The following CTNND2 variants were observed in gnomAD, a reference collection of about 807,000 sequenced individuals.
CTNND2 encodes catenin delta 2, also known as catenin delta-2.
In CTNND2, 22 loss-of-function variants were observed where a neutral mutation model predicts 144.4. That is an observed-to-expected ratio of 0.15 (90% CI 0.11 to 0.22). CTNND2 has a LOEUF of 0.22. Among genes scored for constraint, CTNND2 ranks in the 10% least tolerant of loss-of-function variants. The pLI, the probability that CTNND2 is intolerant of heterozygous loss-of-function variation, is 1.00. For synonymous variants in CTNND2, 751 were observed against 695.6 expected (o/e 1.08, Z -1.25); for missense variants, 1,353 against 1,618.8 (o/e 0.84, Z 2.82).
chr5:11,713,583 CAAAA>C (rs1165519277), intron 2 of CTNND2, among the ~76,000 whole-genome samples: 795 of 57,852 alleles, frequency 0.014, 8 homozygotes, highest in African/African-American at 0.042. Flanking sequence ...GACTCCATCT[CAAAA>C]AAAAAAAAAA....
At chr5:11,665,130 C>T (rs1251885994) in intron 2 of CTNND2, among the ~76,000 whole-genome samples, 2 of 152,134 alleles carry the variant, frequency 1.3e-5, no homozygotes, top group Non-Finnish European at 2.9e-5. Context: ...CTTGAGTTTA[C>T]AGATAACTGG....
chr5:11,308,428 A>T (rs2150045478), intron 9 of CTNND2, among the ~76,000 whole-genome samples: 1 of 151,686 alleles, frequency 6.6e-6, no homozygotes, highest in Non-Finnish European at 1.5e-5. Flanking sequence ...AACAAATAGC[A>T]TGGCAATAAA....
intron 10 of CTNND2, among the ~76,000 whole-genome samples, chr5:11,223,621 T>C (rs1342819729): frequency 1.3e-5 from 2 of 152,154 alleles, no homozygotes; most frequent in African/African-American, 4.8e-5. Flanking sequence ...GGGGGAGCCA[T>C]ATCTACTGAA....
At chr5:11,027,479 T>C (rs572099774) in intron 16 of CTNND2, among the ~76,000 whole-genome samples, 1 of 152,158 alleles carries the variant, frequency 6.6e-6, no homozygotes, top group Non-Finnish European at 1.5e-5. Context: ...AATGACTATA[T>C]GTCTGATTTT....
chr5:10,973,481 T>C lies in CTNND2; in HGVS notation c.3650A>G (p.Tyr1217Cys), dbSNP rs1736043926. Residue 1217 changes from tyrosine to cysteine, a missense_variant, in exon 22 of 22, where the codon TAC becomes TGC. This residue lies in a region of CTNND2 where 459 missense variants were observed against 674.3 expected (regional missense o/e 0.68). Coordinates refer to ENST00000304623, the MANE Select transcript of CTNND2 (RefSeq NM_001332.4). The surrounding 1 kb of genome is among the most constrained non-coding windows in gnomAD (Gnocchi z 5.6). Reference sequence around the variant, plus strand: ...CACCCAGGAGTCGGGGGAGGCCGGGTAGTGGCTCGTTTCATAGTTCAGTTC... The same window carrying C: ...CACCCAGGAGTCGGGGGAGGCCGGGCAGTGGCTCGTTTCATAGTTCAGTTC... ...YSELNYETSH[Y>C]PASPDSWV 5 of 1,597,978 alleles carry C rather than the reference T, an allele frequency of 3.1e-6. No individual in the cohort carries two copies. Among genetic ancestry groups the C allele is most frequent in the Non-Finnish European group, 4.3e-6 (5 of 1,170,400 alleles).
chr5:11,852,860 T>C (rs997287898), intron 1 of CTNND2, among the ~76,000 whole-genome samples: 1 of 152,210 alleles, frequency 6.6e-6, no homozygotes, highest in Admixed American at 6.5e-5. Flanking sequence ...AATTTGATAA[T>C]GGGTTTGCCC....
chr5:11,186,241 T>G (rs1158294582), intron 11 of CTNND2, among the ~76,000 whole-genome samples: 1 of 152,206 alleles, frequency 6.6e-6, no homozygotes, highest in Non-Finnish European at 1.5e-5. Context: ...TGGATCATGC[T>G]CACAAAACAC....
chr5:11,807,239 C>T (rs971466733), intron 1 of CTNND2, among the ~76,000 whole-genome samples: 1 of 152,038 alleles, frequency 6.6e-6, no homozygotes, highest in Non-Finnish European at 1.5e-5. Flanking sequence ...TTGTGTTTTT[C>T]CCCTTGGTTA....
At chr5:11,833,799 C>T (rs1241379196) in intron 1 of CTNND2, among the ~76,000 whole-genome samples, 1 of 152,180 alleles carries the variant, frequency 6.6e-6, no homozygotes, top group Non-Finnish European at 1.5e-5. Flanking sequence ...CCTGGGATTA[C>T]AGGCGTGAGC....
chr5:11,793,282 A>G (rs1459750076), intron 1 of CTNND2, among the ~76,000 whole-genome samples: 1 of 152,124 alleles, frequency 6.6e-6, no homozygotes, highest in African/African-American at 2.4e-5. Context: ...AGGAAATGGC[A>G]ATTCTGTTCC....
chr5:11,513,467 G>A (rs1038234390), intron 3 of CTNND2, among the ~76,000 whole-genome samples: 12 of 152,126 alleles, frequency 7.9e-5, no homozygotes, highest in Non-Finnish European at 1.6e-4. Context: ...GAAAGGATTA[G>A]CATTTACTTC....
chr5:11,391,070 G>A (rs1029869440), intron 6 of CTNND2, among the ~76,000 whole-genome samples: 1 of 151,962 alleles, frequency 6.6e-6, no homozygotes, highest in African/African-American at 2.4e-5. Flanking sequence ...TGAGGAAGAT[G>A]TCTCAATGCA....
intron 2 of CTNND2, among the ~76,000 whole-genome samples, chr5:11,587,323 T>C (rs1326777889): frequency 6.6e-6 from 1 of 152,096 alleles, no homozygotes; most frequent in Non-Finnish European, 1.5e-5. Flanking sequence ...ATTTCCTAGC[T>C]TTAAGACAAT....
At chr5:11,872,960 C>A (rs546167552) in intron 1 of CTNND2, among the ~76,000 whole-genome samples, 4 of 152,194 alleles carry the variant, frequency 2.6e-5, no homozygotes, top group African/African-American at 4.8e-5. Flanking sequence ...ATGACTAAAA[C>A]ACCAAAAGCA....
chr5:11,033,202 G>A (rs1371233491), intron 16 of CTNND2, among the ~76,000 whole-genome samples: 1 of 152,170 alleles, frequency 6.6e-6, no homozygotes, highest in Non-Finnish European at 1.5e-5. Context: ...ATCTTAAAAT[G>A]TATCCCCTGG....
At chr5:11,803,514 C>A (rs536348286) in intron 1 of CTNND2, among the ~76,000 whole-genome samples, 1 of 152,128 alleles carries the variant, frequency 6.6e-6, no homozygotes, top group Non-Finnish European at 1.5e-5. Context: ...AATGATATTT[C>A]GGAGGTAGAC....
At position 11,847,302 on chromosome 5, in the gene CTNND2, C is replaced by T. The variant is rs528866038; in HGVS notation, c.37+56515G>A. 6.7e-4 allele frequency among the ~76,000 whole-genome samples: 102 copies of T among 151,272 alleles called. 3 individuals are homozygous for T. The South Asian group carries it at 0.021, about 30-fold the overall frequency. On this transcript the variant is annotated intron_variant, in intron 1 of 21. Transcript: ENST00000304623. The stretch of plus-strand genomic sequence containing the variant: ...CATATACACATAATGGAATACTATT[C>T]GGCCATAAAACTGAATGAAATCCTG...
At chr5:11,233,293 T>C (rs1191741668) in intron 10 of CTNND2, among the ~76,000 whole-genome samples, 1 of 152,098 alleles carries the variant, frequency 6.6e-6, no homozygotes, top group Non-Finnish European at 1.5e-5. Flanking sequence ...TGGTATCATT[T>C]TGAAAAAAAA....
At chr5:11,659,098 T>G (rs1340161461) in intron 2 of CTNND2, among the ~76,000 whole-genome samples, 3 of 152,078 alleles carry the variant, frequency 2.0e-5, no homozygotes, top group East Asian at 3.9e-4. Flanking sequence ...ATCCACAGAT[T>G]CAACCAACGG....
Sources: allele counts gnomAD v4.1 joint callset (sites outside exome capture counted in the v4.1 genomes callset), GRCh38; gene constraint gnomAD v4.1.1; regional missense constraint gnomAD v4.1.1; non-coding constraint Gnocchi (gnomAD v3.1); transcripts MANE v1.5; gene names NCBI Gene and HGNC (gene_info 2026-07-23, HGNC 2026-07-21).